PSD3: variants seen among roughly 807,000 people sequenced by gnomAD.
PSD3 encodes pleckstrin and Sec7 domain containing 3, also known as PH and SEC7 domain-containing protein 3.
A neutral mutation model predicts 105.5 loss-of-function variants in PSD3; 49 were observed. The observed-to-expected ratio is 0.46, with a 90% confidence interval of 0.37 to 0.59. The LOEUF (loss-of-function observed/expected upper bound fraction) is 0.59. Among genes scored for constraint, PSD3 ranks in the 20% least tolerant of loss-of-function variants. The pLI, the probability that PSD3 is intolerant of heterozygous loss-of-function variation, is 0.00. For synonymous variants in PSD3, 557 were observed against 457.8 expected (o/e 1.22, Z -2.77); for missense variants, 1,561 against 1,263.8 (o/e 1.24, Z -3.57).
chr8:18,871,436 C>A (rs993730348), intron 3 of PSD3, among the ~76,000 whole-genome samples, 190 bp downstream of exon 3: 12 of 152,174 alleles, frequency 7.9e-5, no homozygotes, highest in Admixed American at 4.6e-4. Flanking sequence ...ATAACAAGAT[C>A]ACTTTAATAT....
chr8:18,620,355 T>TG (rs71217392), intron 11 of PSD3, among the ~76,000 whole-genome samples: 1 of 150,046 alleles, frequency 6.7e-6, no homozygotes, highest in African/African-American at 2.5e-5. Context: ...TTTTTTTTTT[T>TG]TTTTTCCCCA....
chr8:19,025,449 C>T (rs1165388591), intron 1 of PSD3, among the ~76,000 whole-genome samples: 2 of 152,162 alleles, frequency 1.3e-5, no homozygotes, highest in Non-Finnish European at 2.9e-5. Flanking sequence ...CACAAAGCTC[C>T]AGACTTTCAC....
chr8:18,641,794 G>A (rs563412037), intron 10 of PSD3, among the ~76,000 whole-genome samples: 6 of 152,232 alleles, frequency 3.9e-5, no homozygotes, highest in East Asian at 1.9e-4. Context: ...AAAATAAAGC[G>A]AAGAATGAAC....
chr8:18,855,468 A>C (rs555330488), intron 4 of PSD3, among the ~76,000 whole-genome samples: 97 of 152,364 alleles, frequency 6.4e-4, no homozygotes, highest in African/African-American at 2.2e-3. Flanking sequence ...AATGAATACT[A>C]TACAGCAATT....
chr8:18,665,046 T>A (rs1036158661), intron 9 of PSD3, among the ~76,000 whole-genome samples: 2 of 152,218 alleles, frequency 1.3e-5, no homozygotes, highest in African/African-American at 4.8e-5. Flanking sequence ...TACAAGGAGA[T>A]GACTGTTGTT....
chr8:18,625,016 G>A (rs561503446), intron 11 of PSD3, among the ~76,000 whole-genome samples: 1 of 152,208 alleles, frequency 6.6e-6, no homozygotes, highest in Non-Finnish European at 1.5e-5. Flanking sequence ...GATTACAGGT[G>A]TGAGCCACTG....
intron 10 of PSD3, among the ~76,000 whole-genome samples, chr8:18,646,767 A>G (rs1808067652): frequency 6.6e-6 from 1 of 152,204 alleles, no homozygotes; most frequent in Non-Finnish European, 1.5e-5. Flanking sequence ...ATTTTAATTA[A>G]TATGTATTAA....
intron 9 of PSD3, among the ~76,000 whole-genome samples, chr8:18,677,071 G>T (rs1563164118): frequency 6.6e-6 from 1 of 152,182 alleles, no homozygotes; most frequent in Non-Finnish European, 1.5e-5. Context: ...ACTCTATCAG[G>T]AGCATAGTGT....
At chr8:18,639,431 A>G (rs924945009) in intron 10 of PSD3, among the ~76,000 whole-genome samples, 1 of 152,182 alleles carries the variant, frequency 6.6e-6, no homozygotes, top group Non-Finnish European at 1.5e-5. Flanking sequence ...TTATTGCTCT[A>G]GTCTTAGTGT....
At chr8:18,797,413 C>A (rs1320473880) in intron 8 of PSD3, among the ~76,000 whole-genome samples, 1 of 152,102 alleles carries the variant, frequency 6.6e-6, no homozygotes, top group East Asian at 1.9e-4. Context: ...TATGTAAACT[C>A]TTTTCCATCC....
chr8:18,739,772 T>C (rs927358700), intron 9 of PSD3, among the ~76,000 whole-genome samples: 1 of 152,218 alleles, frequency 6.6e-6, no homozygotes, highest in Non-Finnish European at 1.5e-5. Flanking sequence ...CAAATTAACA[T>C]GCCCATTACC....
chr8:18,712,136 G>A (rs967997039), intron 9 of PSD3, among the ~76,000 whole-genome samples: 15 of 152,046 alleles, frequency 9.9e-5, no homozygotes, highest in South Asian at 4.2e-4. Flanking sequence ...TGTTAAGAGG[G>A]ACATTTACAG....
At chr8:18,804,063 G>C (rs990467690) in intron 6 of PSD3, among the ~76,000 whole-genome samples, 6 of 152,278 alleles carry the variant, frequency 3.9e-5, no homozygotes, top group African/African-American at 1.4e-4. Flanking sequence ...AGTAGGTGTA[G>C]ACTATCAATT....
chr8:18,666,542 G>T (rs150180524), intron 9 of PSD3, among the ~76,000 whole-genome samples: 1 of 152,258 alleles, frequency 6.6e-6, no homozygotes, highest in East Asian at 1.9e-4. Flanking sequence ...AAGTCCAAAT[G>T]CTGGTTCATC....
chr8:18,561,298 TAAAA>T (rs1216858866), intron 14 of PSD3, among the ~76,000 whole-genome samples: 1 of 152,116 alleles, frequency 6.6e-6, no homozygotes, highest in East Asian at 1.9e-4. Flanking sequence ...TATTCACCCT[TAAAA>T]AAGAGGAAAT....
At chr8:18,558,133 A>T (rs1585236408) in intron 14 of PSD3, among the ~76,000 whole-genome samples, 1 of 152,226 alleles carries the variant, frequency 6.6e-6, no homozygotes, top group South Asian at 2.1e-4. Flanking sequence ...ACTGTGAGAA[A>T]ATAGATGTCT....
chr8:18,594,191 T>TA (rs1803851322), intron 12 of PSD3, among the ~76,000 whole-genome samples: 1 of 23,014 alleles, frequency 4.3e-5, no homozygotes, highest in African/African-American at 1.2e-4. Context: ...TATATTATTA[T>TA]ATACATATTA....
chr8:19,035,506 G>A (rs1475723091), intron 1 of PSD3, among the ~76,000 whole-genome samples: 1 of 127,396 alleles, frequency 7.8e-6, no homozygotes, highest in African/African-American at 2.6e-5. Flanking sequence ...ATTAGGAAAA[G>A]GATTTGTTAA....
rs369132741 is a variant in PSD3, at chr8:18,867,963, A to G, written c.1345T>C (p.Leu449=). ...CTGTAGTATAAAGAAGTGTTGTCCAAAATGGTTTCAAACTGGGAGCTGTAC... is the reference window on the plus strand; with the variant it reads ...CTGTAGTATAAAGAAGTGTTGTCCAGAATGGTTTCAAACTGGGAGCTGTAC... ...DVYSSQFETI[L]DNTSLYYSAE... is the part of the protein sequence containing the mutation. Residue 449 remains leucine (L), a synonymous_variant, in exon 4 of 16, where the codon TTG becomes CTG. Transcript: ENST00000327040. 1.9e-6 allele frequency: 3 copies of G among 1,614,210 alleles called. No individual in the cohort carries two copies. Among genetic ancestry groups the G allele is most frequent in the South Asian group, 2.2e-5 (2 of 91,082 alleles).
Sources: gnomAD v4.1 joint callset for allele counts (sites outside exome capture counted in the v4.1 genomes callset) on GRCh38, gnomAD v4.1.1 for gene constraint, MANE v1.5 for transcripts, NCBI Gene and HGNC (gene_info 2026-07-23, HGNC 2026-07-21) for gene names.